Variants in NKIRAS1 observed in about 807,000 individuals in gnomAD.
The protein encoded by NKIRAS1 is NF-kappa-B inhibitor-interacting Ras-like protein 1.
A neutral mutation model predicts 19.8 loss-of-function variants in NKIRAS1; 16 were observed. The observed-to-expected ratio is 0.81, with a 90% CI of 0.55 to 1.23. NKIRAS1 has a LOEUF of 1.23. Ranked by LOEUF, NKIRAS1 falls within the 50% of genes most tolerant of loss-of-function variation. The probability of loss-of-function intolerance (pLI) is 0.00; values close to 1 mark genes in which losing one functional copy is unlikely to be tolerated. For missense variants in NKIRAS1, 184 were observed against 220.0 expected (o/e 0.84, Z 1.04); for synonymous variants, 88 against 79.0 (o/e 1.11, Z -0.61).
chr3:23,893,668 G>C (rs34036067), intron 4 of NKIRAS1, among the ~76,000 whole-genome samples: 19,884 of 151,876 alleles, frequency 0.13, 1,821 homozygotes, highest in African/African-American at 0.24. Flanking sequence ...TTAGCCAGGC[G>C]TAGTGGTGTG....
intron 3 of NKIRAS1, among the ~76,000 whole-genome samples, chr3:23,906,889 T>TTTTTGTTTTG (rs574076153): frequency 6.6e-6 from 1 of 151,832 alleles, no homozygotes; most frequent in African/African-American, 2.4e-5. Flanking sequence ...TTAAAGCAGG[T>TTTTTGTTTTG]TTTTGTTTTG....
intron 1 of NKIRAS1, among the ~76,000 whole-genome samples, chr3:23,915,369 T>A (rs933166217): frequency 6.6e-6 from 1 of 152,220 alleles, no homozygotes; most frequent in African/African-American, 2.4e-5. Flanking sequence ...CTACTGACTT[T>A]GGTTTTAGCT....
upstream of NKIRAS1, chr3:23,918,589 G>C (rs35054246): frequency 0.044 from 70,729 of 1,612,252 alleles, 2,843 homozygotes; most frequent in East Asian, 0.26. Context: ...AAATGGTTTT[G>C]AGTAGCAGTT....
intron 1 of NKIRAS1, among the ~76,000 whole-genome samples, chr3:23,925,063 G>A (rs964525523): frequency 3.3e-5 from 5 of 152,166 alleles, no homozygotes; most frequent in Non-Finnish European, 5.9e-5. Context: ...TTCTGCTCAG[G>A]TTGTCCCATG....
chr3:23,912,929 T>C (rs1455657508), intron 1 of NKIRAS1, among the ~76,000 whole-genome samples: 2 of 147,850 alleles, frequency 1.4e-5, no homozygotes, highest in Non-Finnish European at 3.0e-5. Context: ...CCATCCTGGC[T>C]AACATGGTGA....
intron 4 of NKIRAS1, among the ~76,000 whole-genome samples, chr3:23,895,732 A>T (rs1701915158): frequency 6.6e-6 from 1 of 152,186 alleles, no homozygotes; most frequent in Non-Finnish European, 1.5e-5. Context: ...TTACTCTGTA[A>T]TGAGATATCG....
At chr3:23,909,557 G>A (rs1284459201) in intron 3 of NKIRAS1, among the ~76,000 whole-genome samples, 5 of 151,972 alleles carry the variant, frequency 3.3e-5, no homozygotes, top group Non-Finnish European at 7.4e-5. Context: ...TAAGTTACTT[G>A]CCAGAAAAAA....
chr3:23,896,803 T>A (rs1159028203), intron 4 of NKIRAS1, among the ~76,000 whole-genome samples: 11 of 149,126 alleles, frequency 7.4e-5, no homozygotes, highest in Admixed American at 7.4e-4. Flanking sequence ...ACAACACCTG[T>A]CTCTACAATT....
At chr3:23,931,066 TG>T (rs34127564) in intron 1 of NKIRAS1, among the ~76,000 whole-genome samples, 95,318 of 151,942 alleles carry the variant, frequency 0.63, 30,153 homozygotes, top group Middle Eastern at 0.72. Context: ...ATAATGAAGT[TG>T]TAAGATGGTG....
chr3:23,925,397 G>A (rs1705195741), intron 1 of NKIRAS1, among the ~76,000 whole-genome samples: 1 of 152,148 alleles, frequency 6.6e-6, no homozygotes. Flanking sequence ...ACATTGGAAG[G>A]CCGAGGCAGG....
chr3:23,893,622 C>G (rs1005579755), intron 4 of NKIRAS1, among the ~76,000 whole-genome samples: 1 of 151,964 alleles, frequency 6.6e-6, no homozygotes, highest in East Asian at 1.9e-4. Context: ...CCCTGGCCAA[C>G]ACGGTGAAAC....
At chr3:23,918,320 T>C (rs1298898764), upstream of NKIRAS1, 9 of 1,194,506 alleles carry the variant, frequency 7.5e-6, no homozygotes, top group South Asian at 3.1e-5. Context: ...TATTTTTTTC[T>C]ATTAGATAGC....
chr3:23,911,280 C>CTGTCT, intron 2 of NKIRAS1, 49 bp downstream of exon 2: 2 of 173,450 alleles, frequency 1.2e-5, no homozygotes, highest in South Asian at 1.2e-4. Context: ...ATGGTGAAAC[C>CTGTCT]CCATCTCTAC....
upstream of NKIRAS1, chr3:23,919,175 G>T: frequency 6.4e-7 from 1 of 1,559,454 alleles, no homozygotes; most frequent in Non-Finnish European, 8.8e-7. Context: ...GATTGACCTT[G>T]GGCCTTTTTT....
At chr3:23,941,464 A>T (rs1022299113) in intron 1 of NKIRAS1, among the ~76,000 whole-genome samples, 2 of 152,240 alleles carry the variant, frequency 1.3e-5, no homozygotes, top group African/African-American at 2.4e-5. Flanking sequence ...TTTTGAAGAC[A>T]CAGTCACTTC....
rs1258068524 is a variant in NKIRAS1 at position 23,891,746 on chromosome 3, G to C, written c.*1349C>G. The C allele has an allele frequency of 6.6e-6, 1 of 152,168 alleles. No homozygotes were observed. Among genetic ancestry groups the C allele is most frequent in the Non-Finnish European group, 1.5e-5 (1 of 68,022 alleles). 9.4% of individuals were successfully genotyped at this position (152,168 alleles called of 1,614,324 possible). ...TCATTACAGAATTTAAAAAGAATTG[G>C]TAACTGTTTGTACTAATATAGACTA... On this transcript the variant is annotated 3_prime_UTR_variant, in exon 5 of 5. Coordinates refer to ENST00000425478, the MANE Select transcript of NKIRAS1 (RefSeq NM_020345.4).
Position 23,916,894 on chromosome 3 carries a change from C to G in NKIRAS1, c.-250G>C, listed in dbSNP as rs548773801. The G allele has an allele frequency of 1.2e-4, 18 of 152,898 alleles. No homozygotes were observed. Among genetic ancestry groups the G allele is most frequent in the African/African-American group, 4.1e-4 (17 of 41,610 alleles). 9.5% of individuals were successfully genotyped at this position (152,898 alleles called of 1,614,324 possible). A position where few individuals can be genotyped will look rare whatever the true frequency, so the allele number is the denominator to read the frequency against. ...TCTCGCGGAGAGACAGTCGCCGACG[C>G]TCGCTTAGCCGCCGAGACCTCGCCG... On this transcript the variant is annotated 5_prime_UTR_variant, in exon 1 of 5. Transcript: ENST00000425478.
chr3:23,945,020 AGAG>A (rs1191708788), intron 1 of NKIRAS1, among the ~76,000 whole-genome samples: 6 of 151,900 alleles, frequency 3.9e-5, no homozygotes, highest in South Asian at 2.1e-4. Flanking sequence ...AGGAGAGGAA[AGAG>A]GAGGAGGAGG....
intron 3 of NKIRAS1, among the ~76,000 whole-genome samples, chr3:23,902,506 A>T (rs1442558938): frequency 6.6e-6 from 1 of 152,210 alleles, no homozygotes; most frequent in Non-Finnish European, 1.5e-5. Flanking sequence ...TAAGACACAA[A>T]CGTATTGGGC....
Sources: allele counts gnomAD v4.1 joint callset (sites outside exome capture counted in the v4.1 genomes callset), GRCh38; gene constraint gnomAD v4.1.1; transcripts MANE v1.5; gene names NCBI Gene and HGNC (gene_info 2026-07-23, HGNC 2026-07-21).